The following SUGT1 variants were observed in gnomAD, a reference collection of about 807,000 sequenced individuals.
SUGT1 encodes SGT1 assembly cochaperone of MIS12 kinetochore complex, also known as protein SGT1 homolog.
In SUGT1, 15 loss-of-function variants were observed where a neutral mutation model predicts 56.1. That is an observed-to-expected ratio of 0.27 (90% CI 0.18 to 0.41). SUGT1 has a LOEUF of 0.41. Ranked by LOEUF, SUGT1 falls within the 10% of genes least tolerant of loss-of-function variation. SUGT1 has a pLI of 1.00. For missense variants in SUGT1, 347 were observed against 382.2 expected, an observed-to-expected ratio of 0.91 and a Z score of 0.77; for synonymous variants, 123 against 128.6, an observed-to-expected ratio of 0.96 and a Z score of 0.30.
At chr13:52,664,624 A>T (rs1324169710) in intron 8 of SUGT1, among the ~76,000 whole-genome samples, 1 of 152,132 alleles carries the variant, frequency 6.6e-6, no homozygotes, top group Non-Finnish European at 1.5e-5. Context: ...GGAAACCGAG[A>T]CTCTTAAAGT....
chr13:52,659,055 A>G (rs899956801), intron 4 of SUGT1, 124 bp from the exon 5 acceptor site: 4 of 669,994 alleles, frequency 6.0e-6, no homozygotes, highest in Non-Finnish European at 9.4e-6. Flanking sequence ...CTCTAGGTTT[A>G]TTAACATACA....
chr13:52,699,720 AGAT>A lies in SUGT1; in HGVS notation c.*11889_*11891del, dbSNP rs1343303626. The A allele has an allele frequency of 1.3e-5, 2 of 152,238 alleles. No individual in the cohort carries two copies. The highest frequency in any genetic ancestry group is 4.8e-5 in the African/African-American group (2 of 41,468). 9.4% of individuals were successfully genotyped at this position (152,238 alleles called of 1,614,324 possible). ...CAGTATATGGCAAATTTAGTATAAAAGATGATTAATTATCAAGGCTGATGAAAT... is the reference window on the plus strand; with the variant it reads ...CAGTATATGGCAAATTTAGTATAAAAGATTAATTATCAAGGCTGATGAAAT... On this transcript the variant is annotated 3_prime_UTR_variant, in exon 13 of 13. Coordinates refer to ENST00000310528, the MANE Select transcript of SUGT1 (RefSeq NM_006704.5).
At chr13:52,661,546 G>C in intron 5 of SUGT1, 1 of 394,000 alleles carries the variant, frequency 2.5e-6, no homozygotes, top group Non-Finnish European at 5.0e-6. Flanking sequence ...ACCTGCCTTG[G>C]ACTCCCAAAG....
chr13:52,664,185 G>T, intron 8 of SUGT1, 128 bp downstream of exon 8: 2 of 955,710 alleles, frequency 2.1e-6, no homozygotes, highest in South Asian at 1.6e-5. Context: ...CTAAAATTGT[G>T]TAATAGCTTT....
chr13:52,677,461 GTTTC>G (rs1367030706), intron 11 of SUGT1, among the ~76,000 whole-genome samples: 2 of 152,120 alleles, frequency 1.3e-5, no homozygotes, highest in Non-Finnish European at 2.9e-5. Flanking sequence ...AGATGTATGT[GTTTC>G]TTTTAGGACT....
rs1309360095 is a variant in SUGT1, at chr13:52,694,391, A to AT, written c.*6557dup. The AT allele has an allele frequency of 6.6e-6, 1 of 152,244 alleles. No individual in the cohort carries two copies. Among genetic ancestry groups the AT allele is most frequent in the Non-Finnish European group, 1.5e-5 (1 of 68,036 alleles). The allele number at this position is 152,244 out of a possible 1,614,324, so 9.4% of individuals were successfully genotyped here. ...TTATAAAATTTGTACTTTGGAGAGC[A>AT]TAAGAATTCATGAAAAGTTTTTAAT... On this transcript the variant is annotated 3_prime_UTR_variant, in exon 13 of 13. Transcript: ENST00000310528.
intron 10 of SUGT1, among the ~76,000 whole-genome samples, chr13:52,673,202 A>G (rs568338053): frequency 2.6e-5 from 4 of 152,080 alleles, no homozygotes; most frequent in South Asian, 2.1e-4. Context: ...AATTAAATGT[A>G]AAAAGGATTT....
rs1963818494 is a variant in SUGT1, at chr13:52,692,748, C to G, written c.*4913C>G. 3 of 152,166 alleles carry G rather than the reference C, an allele frequency of 2.0e-5. No individual in the cohort carries two copies. The highest frequency in any genetic ancestry group is 4.1e-4 in the South Asian group (2 of 4,826). 9.4% of individuals were successfully genotyped at this position (152,166 alleles called of 1,614,324 possible). ...ATATAGGAGCTGGGAAGATAAATTC[C>G]TAGAGATCCTCACTTTCTTAAGTAG... On this transcript the variant is annotated 3_prime_UTR_variant, in exon 13 of 13. Transcript: ENST00000310528.
chr13:52,678,142 A>G (rs895358966), intron 11 of SUGT1, among the ~76,000 whole-genome samples: 11 of 152,230 alleles, frequency 7.2e-5, no homozygotes, highest in African/African-American at 2.2e-4. Flanking sequence ...AGGATTAATT[A>G]AATCCATATT....
At chr13:52,659,814 A>ATTTTTTTT (rs71088033) in intron 5 of SUGT1, among the ~76,000 whole-genome samples, 1 of 58,726 alleles carries the variant, frequency 1.7e-5, no homozygotes, top group African/African-American at 7.4e-5. Context: ...ATATATATAT[A>ATTTTTTTT]TTTTTTTTTT....
At chr13:52,662,389 G>C (rs1025064298) in intron 5 of SUGT1, among the ~76,000 whole-genome samples, 5 of 152,162 alleles carry the variant, frequency 3.3e-5, no homozygotes, top group Non-Finnish European at 7.3e-5. Flanking sequence ...CAGATTATTT[G>C]TATCTGTGAA....
At chr13:52,680,858 T>G (rs1963342833) in intron 12 of SUGT1, among the ~76,000 whole-genome samples, 1 of 152,216 alleles carries the variant, frequency 6.6e-6, no homozygotes, top group Admixed American at 6.5e-5. Context: ...TTTATTTATT[T>G]AGAGACAAGG....
At chr13:52,683,330 CTTT>C (rs1566197482) in intron 12 of SUGT1, among the ~76,000 whole-genome samples, 1 of 152,080 alleles carries the variant, frequency 6.6e-6, no homozygotes, top group Admixed American at 6.5e-5. Context: ...TCAATATTAA[CTTT>C]TTGTCAGATG....
In SUGT1 at chr13:52,676,300, C is replaced by G. The variant is rs371011852; in HGVS notation, c.698C>G (p.Thr233Arg). ...EKLEGQGDVP[T>R]PKQFVADVKN... Reference sequence around the variant, plus strand: ...CTAGAGGGGCAAGGAGATGTGCCTACGCCAAAACAATTCGTAGCAGGTTTG... The same window carrying G: ...CTAGAGGGGCAAGGAGATGTGCCTAGGCCAAAACAATTCGTAGCAGGTTTG... The change falls in exon 11 of 13, where the codon ACG becomes AGG. Residue 233 changes from threonine (T) to arginine (R), a missense_variant. Transcript: ENST00000310528. 3 of 1,612,200 alleles carry G rather than the reference C, an allele frequency of 1.9e-6. No homozygotes were observed. The African/African-American group carries it at 4.0e-5, about 22-fold the overall frequency.
intron 11 of SUGT1, among the ~76,000 whole-genome samples, chr13:52,679,303 C>T (rs182664169): frequency 1.3e-5 from 2 of 152,344 alleles, no homozygotes; most frequent in Non-Finnish European, 2.9e-5. Context: ...GCTCTGTTTA[C>T]TCCAGTGTGC....
At chr13:52,683,512 T>C (rs886834167) in intron 12 of SUGT1, among the ~76,000 whole-genome samples, 1 of 152,218 alleles carries the variant, frequency 6.6e-6, no homozygotes, top group African/African-American at 2.4e-5. Context: ...TGTTTTGTTA[T>C]GGGTTATTGT....
At chr13:52,661,585 G>C (rs1962457357) in intron 5 of SUGT1, 1 of 416,116 alleles carries the variant, frequency 2.4e-6, no homozygotes, top group Non-Finnish European at 4.8e-6. Context: ...GAGCCACCAT[G>C]CCCGGCCAAA....
Position 52,658,574 on chromosome 13 carries a change from T to C in SUGT1, c.257+106T>C. The C allele has an allele frequency of 2.0e-6, 2 of 991,396 alleles. 1 individual carries two copies. The highest frequency in any genetic ancestry group is 3.8e-5 in the South Asian group (2 of 53,188). 61.4% of individuals were successfully genotyped at this position (991,396 alleles called of 1,614,324 possible). A position where few individuals can be genotyped will look rare whatever the true frequency, so the allele number is the denominator to read the frequency against. ...TATATAAGTTGTAAAATTCTGTATTTATACATTATATAGCAGAGATATGAT... is the reference window on the plus strand; with the variant it reads ...TATATAAGTTGTAAAATTCTGTATTCATACATTATATAGCAGAGATATGAT... On this transcript the variant is annotated intron_variant, in intron 4 of 12. Coordinates refer to ENST00000310528, the MANE Select transcript of SUGT1 (RefSeq NM_006704.5).
chr13:52,675,859 A>G (rs74088623), intron 10 of SUGT1, among the ~76,000 whole-genome samples: 2,091 of 152,246 alleles, frequency 0.014, 46 homozygotes, highest in African/African-American at 0.048. Flanking sequence ...TACTCAATAG[A>G]TGTCATTATC....
Sources: allele counts gnomAD v4.1 joint callset (sites outside exome capture counted in the v4.1 genomes callset), GRCh38; gene constraint gnomAD v4.1.1; transcripts MANE v1.5; gene names NCBI Gene and HGNC (gene_info 2026-07-23, HGNC 2026-07-21).